GABRG3: variants seen among roughly 807,000 people sequenced by gnomAD.
GABRG3 encodes the protein gamma-aminobutyric acid receptor subunit gamma-3.
In GABRG3, 25 loss-of-function variants were observed where a neutral mutation model predicts 48.8. The observed-to-expected ratio is 0.51, with a 90% CI of 0.37 to 0.72. The LOEUF (loss-of-function observed/expected upper bound fraction) is 0.72. Ranked by LOEUF, GABRG3 falls within the 30% of genes least tolerant of loss-of-function variation. The pLI is 0.00. For missense variants in GABRG3, 394 were observed against 577.9 expected (o/e 0.68, Z 3.26); for synonymous variants, 227 against 217.6 (o/e 1.04, Z -0.38).
intron 5 of GABRG3, among the ~76,000 whole-genome samples, chr15:27,336,882 G>A (rs554948954): frequency 7.2e-4 from 110 of 152,272 alleles, no homozygotes; most frequent in Non-Finnish European, 1.4e-3. Context: ...AACAGCATTC[G>A]AAGCTGAGTG....
At chr15:27,091,360 T>C (rs183309704) in intron 3 of GABRG3, among the ~76,000 whole-genome samples, 28 of 152,370 alleles carry the variant, frequency 1.8e-4, no homozygotes, top group African/African-American at 6.5e-4. Flanking sequence ...CCTTACATGC[T>C]ACTGGATTCA....
chr15:27,287,227 T>C (rs929839811), intron 3 of GABRG3, among the ~76,000 whole-genome samples: 3 of 152,108 alleles, frequency 2.0e-5, no homozygotes, highest in Non-Finnish European at 2.9e-5. Context: ...AGAATTATTA[T>C]TCAGAAAATA....
Position 27,026,835 on chromosome 15 carries a change from T to A in GABRG3, c.270+14T>A. 2 of 1,580,854 alleles carry A rather than the reference T, an allele frequency of 1.3e-6. No homozygotes were observed. On this transcript the variant is annotated intron_variant, in intron 3 of 9. Coordinates refer to ENST00000615808, the MANE Select transcript of GABRG3 (RefSeq NM_033223.5). ...TCAATAAACATGGTAAGAAGCTCCT[T>A]TATTTTCTGATCTAACGGCTGTTGC...
At chr15:27,186,244 T>C (rs1214599703) in intron 3 of GABRG3, among the ~76,000 whole-genome samples, 1 of 152,286 alleles carries the variant, frequency 6.6e-6, no homozygotes, top group East Asian at 1.9e-4. Flanking sequence ...CTCTTACTTA[T>C]ATGTAAGAAC....
At chr15:27,515,679 A>G (rs1891002280) in intron 6 of GABRG3, among the ~76,000 whole-genome samples, 1 of 152,132 alleles carries the variant, frequency 6.6e-6, no homozygotes, top group Admixed American at 6.5e-5. Flanking sequence ...GACTCAAAGG[A>G]TGTTTTTGGT....
At chr15:27,389,884 A>G (rs1276321191) in intron 5 of GABRG3, among the ~76,000 whole-genome samples, 1 of 152,262 alleles carries the variant, frequency 6.6e-6, no homozygotes, top group Non-Finnish European at 1.5e-5. Context: ...ATATGCGGGC[A>G]TAAAACTGCC....
intron 5 of GABRG3, among the ~76,000 whole-genome samples, chr15:27,361,452 C>G (rs1895021451): frequency 6.6e-6 from 1 of 152,194 alleles, no homozygotes; most frequent in African/African-American, 2.4e-5. Context: ...CCTCAAACAG[C>G]ATTCTATTCC....
At position 27,232,423 on chromosome 15, in the gene GABRG3, C is replaced by T. The variant is rs552754319; in HGVS notation, c.271-94386C>T. Among the ~76,000 whole-genome samples, 3 of 152,288 alleles carry T rather than the reference C, an allele frequency of 2.0e-5. No homozygotes were observed. In the South Asian group the frequency reaches 6.2e-4, roughly 32 times the overall value. On this transcript the variant is annotated intron_variant, in intron 3 of 9. Transcript: ENST00000615808. ...GCAGCTGTCATCTTACCCGGGCGTC[C>T]ACCTGGAGCCTCCTTCTTGCCTCGT...
intron 3 of GABRG3, among the ~76,000 whole-genome samples, chr15:27,153,254 C>G (rs1366255409): frequency 6.6e-6 from 1 of 152,140 alleles, no homozygotes; most frequent in East Asian, 1.9e-4. Context: ...TTGAGATTAT[C>G]TTTTTTTCAT....
chr15:27,114,749 G>A (rs1432892118), intron 3 of GABRG3, among the ~76,000 whole-genome samples: 5 of 151,948 alleles, frequency 3.3e-5, no homozygotes, highest in Admixed American at 6.5e-5. Context: ...ATAATGAAAG[G>A]TGCAGACTTA....
At chr15:27,318,472 G>A (rs1308174553) in intron 3 of GABRG3, among the ~76,000 whole-genome samples, 3 of 152,076 alleles carry the variant, frequency 2.0e-5, no homozygotes, top group East Asian at 3.9e-4. Flanking sequence ...TTGGGATACC[G>A]TGTGTTGATG....
At chr15:27,458,497 G>T (rs2150834400) in intron 5 of GABRG3, among the ~76,000 whole-genome samples, 1 of 152,282 alleles carries the variant, frequency 6.6e-6, no homozygotes, top group African/African-American at 2.4e-5. Flanking sequence ...CTGTTCACAA[G>T]CTCGTCAAGT....
At chr15:26,982,243 C>T (rs1895069483) in intron 2 of GABRG3, among the ~76,000 whole-genome samples, 1 of 152,214 alleles carries the variant, frequency 6.6e-6, no homozygotes, top group African/African-American at 2.4e-5. Context: ...GATTGTCAGA[C>T]ACTGGTCAGT....
intron 3 of GABRG3, among the ~76,000 whole-genome samples, chr15:27,283,927 C>T (rs112281195): frequency 0.024 from 3,729 of 152,262 alleles, 88 homozygotes; most frequent in Middle Eastern, 0.099. Flanking sequence ...TTCATCTTCT[C>T]CAGAATTAAA....
intron 5 of GABRG3, among the ~76,000 whole-genome samples, chr15:27,358,426 G>A (rs890337016): frequency 6.6e-6 from 1 of 152,072 alleles, no homozygotes; most frequent in Non-Finnish European, 1.5e-5. Flanking sequence ...TCTAAGAAAC[G>A]TTATTCCTAT....
chr15:27,061,772 A>G (rs1160443480), intron 3 of GABRG3, among the ~76,000 whole-genome samples: 1 of 152,112 alleles, frequency 6.6e-6, no homozygotes, highest in Non-Finnish European at 1.5e-5. Flanking sequence ...CCTTGAATAA[A>G]TTGCATTCCA....
intron 3 of GABRG3, among the ~76,000 whole-genome samples, chr15:27,317,204 A>C (rs1893261702): frequency 6.6e-6 from 1 of 152,104 alleles, no homozygotes; most frequent in Non-Finnish European, 1.5e-5. Context: ...TTAGCCTGGC[A>C]TGGCAACTCT....
At chr15:27,458,391 A>G (rs1459063268) in intron 5 of GABRG3, among the ~76,000 whole-genome samples, 1 of 152,234 alleles carries the variant, frequency 6.6e-6, no homozygotes, top group African/African-American at 2.4e-5. Flanking sequence ...GCATGTGTCT[A>G]GCCAATTCTC....
At chr15:27,240,832 G>A (rs1287805712) in intron 3 of GABRG3, among the ~76,000 whole-genome samples, 2 of 152,148 alleles carry the variant, frequency 1.3e-5, no homozygotes, top group Non-Finnish European at 2.9e-5. Context: ...TTAACTGAAC[G>A]TGATCAGTTG....
Sources: allele counts gnomAD v4.1 joint callset (sites outside exome capture counted in the v4.1 genomes callset), GRCh38; gene constraint gnomAD v4.1.1; transcripts MANE v1.5; gene names NCBI Gene and HGNC (gene_info 2026-07-23, HGNC 2026-07-21).